HTR3A: variants seen among roughly 807,000 people sequenced by gnomAD.
The protein encoded by HTR3A is 5-hydroxytryptamine (serotonin) receptor 3A, ionotropic.
A neutral mutation model predicts 54.8 loss-of-function variants in HTR3A; 45 were observed. The observed-to-expected ratio is 0.82, with a 90% CI of 0.65 to 1.05. The LOEUF is 1.05. HTR3A is among the 50% of genes least tolerant of loss of function. The pLI is 0.00. For synonymous variants in HTR3A, 297 were observed against 256.0 expected, an observed-to-expected ratio of 1.16 and a Z score of -1.53; for missense variants, 657 against 614.0, an observed-to-expected ratio of 1.07 and a Z score of -0.74.
intron 5 of HTR3A, among the ~76,000 whole-genome samples, chr11:113,984,468 C>A (rs577189768): frequency 6.6e-6 from 1 of 152,090 alleles, no homozygotes; most frequent in African/African-American, 2.4e-5. Flanking sequence ...GTAAAAAAAA[C>A]TTGGAAAGGG....
intron 2 of HTR3A, 80 bp downstream of exon 2, chr11:113,978,002 G>A: frequency 6.5e-7 from 1 of 1,535,994 alleles, no homozygotes; most frequent in Non-Finnish European, 9.0e-7. Context: ...CACCCCCTAT[G>A]CAGCTTGTTA....
chr11:113,975,858 C>A (rs1950344981), intron 1 of HTR3A, among the ~76,000 whole-genome samples: 1 of 152,170 alleles, frequency 6.6e-6, no homozygotes, highest in African/African-American at 2.4e-5. Context: ...GGGACCAGAA[C>A]TAGTCTAGTC....
Position 113,986,852 on chromosome 11 carries a change from T to C in HTR3A, c.944T>C (p.Leu315Pro). 1 of 1,614,148 alleles carries C rather than the reference T, an allele frequency of 6.2e-7. No homozygotes were observed. Among genetic ancestry groups the C allele is most frequent in the Non-Finnish European group, 8.5e-7 (1 of 1,180,018 alleles). ...IGVYFVVCMALLVISLAETIF... is the reference protein window; with the variant it reads ...IGVYFVVCMAPLVISLAETIF... ...GTCTACTTTGTGGTGTGCATGGCTC[T>C]GCTGGTGATAAGTTTGGCCGAGACC... The change falls in exon 8 of 9, where the codon CTG (leucine) becomes CCG (proline). Residue 315 changes from leucine (L) to proline (P), a missense_variant. Physicochemically the swap from Leu to Pro is moderately conservative, Grantham distance 98. Transcript: ENST00000504030.
chr11:113,979,210 T>C, intron 2 of HTR3A, 23 bp from the exon 3 acceptor site: 1 of 1,609,728 alleles, frequency 6.2e-7, no homozygotes, highest in Non-Finnish European at 8.5e-7. Flanking sequence ...GGTTACTTGT[T>C]CAAGCTCCCT....
At chr11:113,976,843 T>C (rs147350397) in intron 1 of HTR3A, among the ~76,000 whole-genome samples, 1 of 151,358 alleles carries the variant, frequency 6.6e-6, no homozygotes, top group African/African-American at 2.4e-5. Flanking sequence ...GCTGGCCCTC[T>C]AGGTTGTACT....
chr11:113,975,976 A>G (rs1357044769), intron 1 of HTR3A, among the ~76,000 whole-genome samples: 10 of 151,916 alleles, frequency 6.6e-5, no homozygotes, highest in Middle Eastern at 3.4e-3. Flanking sequence ...ATTTCTCTCC[A>G]CATTCGCTAC....
chr11:113,983,426 G>T (rs1950449139), intron 5 of HTR3A, 137 bp downstream of exon 5: 4 of 873,346 alleles, frequency 4.6e-6, no homozygotes, highest in Non-Finnish European at 5.7e-6. Flanking sequence ...CTCATCCTCT[G>T]CATGAGGTAG....
In HTR3A at chr11:113,983,312, G is replaced by C. The variant is rs780925952; in HGVS notation, c.544+23G>C. 4 of 1,612,928 alleles carry C rather than the reference G, an allele frequency of 2.5e-6. No individual in the cohort carries two copies. The South Asian group carries it at 4.4e-5, about 18-fold the overall frequency. On this transcript the variant is annotated intron_variant, in intron 5 of 8. Coordinates refer to ENST00000504030, the MANE Select transcript of HTR3A (RefSeq NM_000869.6). ...CCAGTGAGTATGTGGGCTTCGCCGG[G>C]ACAGGGGTGGAGGTTGGGGGACCCC...
intron 4 of HTR3A, among the ~76,000 whole-genome samples, chr11:113,982,577 G>C (rs995281831): frequency 6.6e-6 from 1 of 152,212 alleles, no homozygotes; most frequent in African/African-American, 2.4e-5. Flanking sequence ...AGTGGAATGA[G>C]GTCTTGTGGG....
At chr11:113,978,764 G>A (rs905284037) in intron 2 of HTR3A, among the ~76,000 whole-genome samples, 14 of 152,166 alleles carry the variant, frequency 9.2e-5, no homozygotes, top group Non-Finnish European at 1.9e-4. Flanking sequence ...GCCGAGGTGG[G>A]CAGACCACTT....
At chr11:113,982,384 T>C (rs1950432339) in intron 4 of HTR3A, among the ~76,000 whole-genome samples, 1 of 152,136 alleles carries the variant, frequency 6.6e-6, no homozygotes, top group African/African-American at 2.4e-5. Flanking sequence ...ATCCTCTACA[T>C]AGCTCAGGCT....
At chr11:113,980,900 G>T in intron 3 of HTR3A, 1 of 418,358 alleles carries the variant, frequency 2.4e-6, no homozygotes, top group East Asian at 5.1e-5. Context: ...CAAGATCCAA[G>T]AAGTTATTTG....
At chr11:113,988,593 A>G (rs1950518924) in intron 8 of HTR3A, among the ~76,000 whole-genome samples, 1 of 152,070 alleles carries the variant, frequency 6.6e-6, no homozygotes, top group Non-Finnish European at 1.5e-5. Context: ...GTGAAACCCC[A>G]TCTCTACTAA....
rs1215742867 is a variant in HTR3A at position 113,976,275 on chromosome 11, G to A, written c.67+883G>A. ...TGTGGTCGAGGGCTTCCTTGACTGA[G>A]AAGAAACTCTGTCCCTCCTAGCAAT... On this transcript the variant is annotated intron_variant, in intron 1 of 8. Coordinates refer to ENST00000504030, the MANE Select transcript of HTR3A (RefSeq NM_000869.6). Among the ~76,000 whole-genome samples the A allele has an allele frequency of 4.6e-5, 7 of 152,184 alleles. No individual in the cohort carries two copies. The East Asian group carries it at 1.4e-3, about 30-fold the overall frequency.
chr11:113,983,427 C>CAGAGG, intron 5 of HTR3A, 138 bp downstream of exon 5: 6 of 868,602 alleles, frequency 6.9e-6, no homozygotes, highest in Non-Finnish European at 1.2e-5. Flanking sequence ...TCATCCTCTG[C>CAGAGG]ATGAGGTAGA....
intron 5 of HTR3A, 106 bp from the exon 6 acceptor site, chr11:113,985,909 G>C: frequency 8.3e-7 from 1 of 1,209,558 alleles, no homozygotes; most frequent in Admixed American, 1.7e-5. Flanking sequence ...TTGGGCCATC[G>C]GATATCAGCT....
In HTR3A at chr11:113,989,222, G is replaced by T. The variant is rs1212020084; in HGVS notation, c.1139-243G>T. Reference sequence around the variant, plus strand: ...TGAAAAAAAAAAAAAAATTAGCCAGGTGTAGTGGCACGTGCCTGTAATCCC... The same window carrying T: ...TGAAAAAAAAAAAAAAATTAGCCAGTTGTAGTGGCACGTGCCTGTAATCCC... On this transcript the variant is annotated intron_variant, in intron 8 of 8. Transcript: ENST00000504030. This position sits in a 1 kb window ranked among gnomAD's most constrained non-coding sequence, Gnocchi z 4.4. Among the ~76,000 whole-genome samples, 3 of 151,562 alleles carry T rather than the reference G, an allele frequency of 2.0e-5. No individual in the cohort carries two copies. The highest frequency in any genetic ancestry group is 4.4e-5 in the Non-Finnish European group (3 of 67,948).
intron 5 of HTR3A, 56 bp from the exon 6 acceptor site, chr11:113,985,959 G>T (rs10160548): frequency 0.65 from 1,039,239 of 1,600,812 alleles, 345,406 homozygotes; most frequent in Non-Finnish European, 0.68. Flanking sequence ...TCATCACAGG[G>T]TCCAGCAGGC....
chr11:113,983,260 C>T lies in HTR3A; in HGVS notation c.515C>T (p.Ser172Leu), dbSNP rs1458992954. 6.2e-6 allele frequency: 10 copies of T among 1,614,056 alleles called. No individual in the cohort carries two copies. The highest frequency in any genetic ancestry group is 1.7e-5 in the Admixed American group (1 of 60,002). Residue 172 changes from serine to leucine, a missense_variant, in exon 5 of 9, where the codon TCG becomes TTG. Transcript: ENST00000504030. ...TTCCCCTTCGATGTCCAGAACTGCT[C>T]GCTGACCTTCACCAGTTGGCTGCAC... is the stretch of plus-strand genomic sequence containing the variant. ...YNFPFDVQNC[S>L]LTFTSWLHTI...
Sources: allele counts gnomAD v4.1 joint callset (sites outside exome capture counted in the v4.1 genomes callset), GRCh38; gene constraint gnomAD v4.1.1; non-coding constraint Gnocchi (gnomAD v3.1); transcripts MANE v1.5; gene names NCBI Gene and HGNC (gene_info 2026-07-23, HGNC 2026-07-21).